MAGI2: variants seen among roughly 807,000 people sequenced by gnomAD.
MAGI2 encodes the protein membrane-associated guanylate kinase, WW and PDZ domain-containing protein 2.
Under a neutral mutation model 133.3 loss-of-function variants are expected in MAGI2, and 35 were observed. The observed-to-expected ratio is 0.26, with a 90% confidence interval of 0.20 to 0.35. MAGI2 has a LOEUF of 0.35. Among genes scored for constraint, MAGI2 ranks in the 10% least tolerant of loss-of-function variants. The probability of loss-of-function intolerance (pLI) is 1.00; values close to 1 mark genes in which losing one functional copy is unlikely to be tolerated. For missense variants in MAGI2, 1,636 were observed against 1,863.4 expected (o/e 0.88, Z 2.25); for synonymous variants, 729 against 710.6 (o/e 1.03, Z -0.41).
intron 9 of MAGI2, among the ~76,000 whole-genome samples, chr7:78,264,027 C>T (rs566296046): frequency 6.6e-6 from 1 of 152,052 alleles, no homozygotes; most frequent in African/African-American, 2.4e-5. Context: ...CCTTTCTGAC[C>T]GCCTCCTTTA....
intron 2 of MAGI2, among the ~76,000 whole-genome samples, chr7:78,849,301 G>C (rs1792916716): frequency 6.6e-6 from 1 of 152,008 alleles, no homozygotes; most frequent in Non-Finnish European, 1.5e-5. Flanking sequence ...AGGAGAGTGA[G>C]CAATATCTTG....
intron 2 of MAGI2, among the ~76,000 whole-genome samples, chr7:78,944,114 C>T (rs1480214709): frequency 6.6e-6 from 1 of 152,092 alleles, no homozygotes; most frequent in Non-Finnish European, 1.5e-5. Context: ...GCCTATAAGC[C>T]AGAGCCACAG....
chr7:78,342,610 C>T (rs1790506178), intron 9 of MAGI2, among the ~76,000 whole-genome samples: 1 of 152,156 alleles, frequency 6.6e-6, no homozygotes, highest in African/African-American at 2.4e-5. Context: ...ACATATACAC[C>T]ATGGAATACT....
At chr7:78,775,448 A>T (rs926769105) in intron 2 of MAGI2, among the ~76,000 whole-genome samples, 6 of 151,398 alleles carry the variant, frequency 4.0e-5, no homozygotes, top group Admixed American at 2.6e-4. Flanking sequence ...CATACCCAAG[A>T]TTGTTATGAA....
intron 2 of MAGI2, among the ~76,000 whole-genome samples, chr7:78,890,945 T>C (rs1414907230): frequency 6.6e-6 from 1 of 152,120 alleles, no homozygotes; most frequent in Non-Finnish European, 1.5e-5. Context: ...AGGACCTGGT[T>C]TTTTGAAAAG....
chr7:78,019,878 G>A lies in MAGI2; in HGVS notation c.3805C>T (p.His1269Tyr). Residue 1269 changes from histidine (H) to tyrosine (Y), a missense_variant, in exon 22 of 22, where the codon CAT (histidine) becomes TAT (tyrosine). This residue lies in a region of MAGI2 where 354 missense variants were observed against 298.7 expected (regional missense o/e 1.19). Transcript: ENST00000354212. ...GAAGGGTCGGAGGGTGGGGCTGGAT[G>A]TGATGGAGAGAATGGAGCGAGGCCG... ...DDGLAPFSPSHPAPPSDPSHQ... is the reference protein window; with the variant it reads ...DDGLAPFSPSYPAPPSDPSHQ... The A allele has an allele frequency of 1.9e-6, 3 of 1,613,126 alleles. No individual in the cohort carries two copies. The highest frequency in any genetic ancestry group is 4.5e-5 in the East Asian group (2 of 44,814).
At chr7:78,049,805 T>C (rs896324125) in intron 21 of MAGI2, among the ~76,000 whole-genome samples, 3 of 152,230 alleles carry the variant, frequency 2.0e-5, no homozygotes, top group Non-Finnish European at 4.4e-5. Context: ...CAATGATTCT[T>C]TTAAAACATT....
intron 2 of MAGI2, among the ~76,000 whole-genome samples, chr7:78,918,564 A>G (rs941358018): frequency 1.3e-5 from 2 of 152,170 alleles, no homozygotes; most frequent in African/African-American, 4.8e-5. Flanking sequence ...TCTAGCTTAC[A>G]GATTTATCAT....
chr7:78,210,182 T>TC (rs1187428148), intron 10 of MAGI2, among the ~76,000 whole-genome samples: 2 of 152,204 alleles, frequency 1.3e-5, no homozygotes, highest in Non-Finnish European at 2.9e-5. Flanking sequence ...GAGCATAAAT[T>TC]CCATTAGTGG....
intron 9 of MAGI2, among the ~76,000 whole-genome samples, chr7:78,282,990 AATAAG>A (rs1795780711): frequency 1.3e-5 from 2 of 152,200 alleles, no homozygotes; most frequent in Non-Finnish European, 2.9e-5. Flanking sequence ...CTCAAGAAAT[AATAAG>A]ATATGACCTG....
At chr7:78,195,689 T>A (rs1008179937) in intron 11 of MAGI2, among the ~76,000 whole-genome samples, 1 of 152,254 alleles carries the variant, frequency 6.6e-6, no homozygotes, top group Non-Finnish European at 1.5e-5. Context: ...ATGTTGCTAC[T>A]GCTATAATTT....
chr7:78,119,913 A>G (rs6951758), intron 20 of MAGI2, among the ~76,000 whole-genome samples: 130,556 of 152,248 alleles, frequency 0.86, 56,364 homozygotes, highest in African/African-American at 0.91. Context: ...CACAAAAAGT[A>G]CCTGAGAATC....
chr7:78,078,786 G>GTA (rs1056218121), intron 21 of MAGI2, 161 bp downstream of exon 21: 1 of 705,574 alleles, frequency 1.4e-6, no homozygotes, highest in Non-Finnish European at 2.4e-6. Flanking sequence ...GTGTGTGTGT[G>GTA]TATGTGTGTG....
intron 13 of MAGI2, among the ~76,000 whole-genome samples, chr7:78,180,571 C>T (rs978281069): frequency 5.9e-5 from 9 of 152,134 alleles, no homozygotes; most frequent in Non-Finnish European, 8.8e-5. Flanking sequence ...AACAGAGACA[C>T]GAATAAGGCA....
chr7:79,073,898 T>C (rs567456224), intron 1 of MAGI2, among the ~76,000 whole-genome samples: 2 of 152,124 alleles, frequency 1.3e-5, no homozygotes, highest in East Asian at 3.9e-4. Flanking sequence ...CTAACTTCTT[T>C]CTTCCAGTCT....
intron 2 of MAGI2, among the ~76,000 whole-genome samples, chr7:78,705,986 C>G (rs1818601020): frequency 6.6e-6 from 1 of 152,054 alleles, no homozygotes; most frequent in South Asian, 2.1e-4. Context: ...TAGCTGAGTT[C>G]TAGTGGAAAC....
At chr7:79,342,516 TA>T (rs1775381677) in intron 1 of MAGI2, among the ~76,000 whole-genome samples, 2 of 152,212 alleles carry the variant, frequency 1.3e-5, no homozygotes. Context: ...GATGCTTTTT[TA>T]TTATGCAATT....
At chr7:78,473,087 C>T (rs748944567) in intron 6 of MAGI2, among the ~76,000 whole-genome samples, 20 of 152,030 alleles carry the variant, frequency 1.3e-4, no homozygotes, top group Non-Finnish European at 2.4e-4. Context: ...ATTAAGATAA[C>T]AATTGACATC....
At chr7:78,328,959 C>T (rs577239235) in intron 9 of MAGI2, among the ~76,000 whole-genome samples, 12 of 152,248 alleles carry the variant, frequency 7.9e-5, no homozygotes, top group South Asian at 2.1e-4. Flanking sequence ...CTTGGCTTGA[C>T]GAAACAAAGT....
Sources: allele counts gnomAD v4.1 joint callset (sites outside exome capture counted in the v4.1 genomes callset), GRCh38; gene constraint gnomAD v4.1.1; regional missense constraint gnomAD v4.1.1; transcripts MANE v1.5; gene names NCBI Gene and HGNC (gene_info 2026-07-23, HGNC 2026-07-21).